The following SPINK5 variants were observed in gnomAD, a reference collection of about 807,000 sequenced individuals.
The protein encoded by SPINK5 is serine peptidase inhibitor Kazal type 5, also known as serine protease inhibitor Kazal-type 5.
A neutral mutation model predicts 151.8 loss-of-function variants in SPINK5; 125 were observed. The ratio of observed to expected loss-of-function variants is 0.82; its 90% CI spans 0.71 to 0.96. SPINK5 has a LOEUF of 0.96. SPINK5 is among the 40% of genes least tolerant of loss of function. The pLI is 0.00. For synonymous variants in SPINK5, 374 were observed against 395.3 expected, an observed-to-expected ratio of 0.95 and a Z score of 0.64; for missense variants, 1,194 against 1,291.9, an observed-to-expected ratio of 0.92 and a Z score of 1.16.
intron 30 of SPINK5, among the ~76,000 whole-genome samples, chr5:148,130,818 C>T (rs1375485917): frequency 6.6e-6 from 1 of 152,082 alleles, no homozygotes; most frequent in Non-Finnish European, 1.5e-5. Flanking sequence ...TAAGTTACTT[C>T]TCTAGTTAGT....
chr5:148,071,811 C>T (rs1752745259), intron 3 of SPINK5, among the ~76,000 whole-genome samples: 2 of 152,044 alleles, frequency 1.3e-5, no homozygotes, highest in Admixed American at 6.6e-5. Context: ...CCAATATAAG[C>T]AGGTTCAATG....
chr5:148,096,742 C>CTTTTTTTT, intron 10 of SPINK5, among the ~76,000 whole-genome samples: 1 of 135,854 alleles, frequency 7.4e-6, no homozygotes, highest in Non-Finnish European at 1.5e-5. Flanking sequence ...TTTTCTTTTT[C>CTTTTTTTT]TTTTCTTTTC....
intron 9 of SPINK5, 84 bp from the exon 10 acceptor site, chr5:148,095,734 A>T: frequency 8.5e-7 from 1 of 1,175,784 alleles, no homozygotes; most frequent in Non-Finnish European, 1.3e-6. Flanking sequence ...AGGACAACTT[A>T]GATATTTTTC....
chr5:148,099,283 A>C lies in SPINK5; in HGVS notation c.1060A>C (p.Lys354Gln). The C allele has an allele frequency of 3.1e-6, 5 of 1,612,510 alleles. No homozygotes were observed. The highest frequency in any genetic ancestry group is 4.2e-6 in the Non-Finnish European group (5 of 1,179,122). The change falls in exon 12 of 33, where the codon AAA becomes CAA. Residue 354 changes from lysine to glutamine, a missense_variant. By Grantham distance (53) the Lys-to-Gln change is moderately conservative (BLOSUM62 1). Transcript: ENST00000256084. The part of the protein sequence containing the change: ...KKKAEARARN[K>Q]RESGKATSYA... ...AAAGGCTGAAGCACGAGCTAGAAAC[A>C]AAAGAGAATCTGGAAAAGCAACCTC...
chr5:148,065,316 C>T, intron 1 of SPINK5, 31 bp from the exon 2 acceptor site: 2 of 1,609,106 alleles, frequency 1.2e-6, no homozygotes, highest in Non-Finnish European at 1.7e-6. Flanking sequence ...TTTACATTTC[C>T]TTAACTTTGG....
Position 148,120,119 on chromosome 5 carries a change from T to C in SPINK5, c.2424T>C (p.Thr808=). Reference sequence around the variant, plus strand: ...GCAAGACACATGGCAATAAGTGTACTATGTGTAAGGAAAAACTGTGAGTAT... The same window carrying C: ...GCAAGACACATGGCAATAAGTGTACCATGTGTAAGGAAAAACTGTGAGTAT... ...PDGKTHGNKC[T]MCKEKLEREA... is the part of the protein sequence containing the mutation. The change falls in exon 25 of 33, where the codon ACT becomes ACC. Residue 808 remains threonine, a synonymous_variant. Transcript: ENST00000256084. 7.4e-6 allele frequency: 12 copies of C among 1,614,046 alleles called. No homozygotes were observed. The highest frequency in any genetic ancestry group is 1.3e-5 in the African/African-American group (1 of 75,052).
intron 32 of SPINK5, among the ~76,000 whole-genome samples, chr5:148,134,804 G>C (rs1012348108): frequency 1.3e-5 from 2 of 151,824 alleles, no homozygotes; most frequent in African/African-American, 4.8e-5. Flanking sequence ...ATTTAATAAA[G>C]CTATTTATTA....
intron 4 of SPINK5, among the ~76,000 whole-genome samples, chr5:148,083,183 CCTT>C (rs1174255284): frequency 4.0e-5 from 6 of 151,130 alleles, no homozygotes; most frequent in South Asian, 4.2e-4. Context: ...CATATATTGT[CCTT>C]CTTTGTCACT....
At chr5:148,117,564 TA>T (rs1311031143) in intron 22 of SPINK5, among the ~76,000 whole-genome samples, 1 of 152,204 alleles carries the variant, frequency 6.6e-6, no homozygotes, top group Non-Finnish European at 1.5e-5. Context: ...TGTGTTTCAG[TA>T]AAACTTTATG....
intron 29 of SPINK5, 25 bp downstream of exon 29, chr5:148,125,875 C>A: frequency 1.9e-6 from 3 of 1,614,110 alleles, no homozygotes; most frequent in Non-Finnish European, 2.5e-6. Flanking sequence ...TCTGCTCCCC[C>A]TGTAGCTAGC....
rs568799906 is a variant in SPINK5, at chr5:148,072,582, G to A, written c.282+362G>A. Among the ~76,000 whole-genome samples the A allele has an allele frequency of 1.0e-3, 158 of 152,076 alleles. 1 individual carries two copies. The highest frequency in any genetic ancestry group is 3.3e-3 in the African/African-American group (135 of 41,532). ...TCAAATCTTAGAATTCTTATTGCTT[G>A]TGTAACTTAGAAAATTTATGTATCT... On this transcript the variant is annotated intron_variant, in intron 4 of 32. Coordinates refer to ENST00000256084, the MANE Select transcript of SPINK5 (RefSeq NM_006846.4).
chr5:148,097,907 T>C lies in SPINK5; in HGVS notation c.923T>C (p.Ile308Thr). ...SQYQNQAKNG[I>T]LFCTRENDPI... ...TATCAAAATCAGGCAAAGAATGGAATACTTTTCTGTACCAGAGAAAATGAC... is the reference window on the plus strand; with the variant it reads ...TATCAAAATCAGGCAAAGAATGGAACACTTTTCTGTACCAGAGAAAATGAC... The change falls in exon 11 of 33, where the codon ATA (isoleucine) becomes ACA (threonine). Residue 308 changes from isoleucine to threonine, a missense_variant. Physicochemically the swap from Ile to Thr is moderately conservative, Grantham distance 89 (BLOSUM62 -1). Transcript: ENST00000256084. 6.2e-7 allele frequency: 1 copy of C among 1,612,242 alleles called. No individual in the cohort carries two copies. Among genetic ancestry groups the C allele is most frequent in the South Asian group, 1.1e-5 (1 of 91,056 alleles).
intron 16 of SPINK5, 59 bp downstream of exon 16, chr5:148,105,059 T>G: frequency 6.5e-7 from 1 of 1,529,974 alleles, no homozygotes; most frequent in East Asian, 2.3e-5. Context: ...TTTATAATTC[T>G]TTACTTATCC....
At chr5:148,086,348 A>G (rs1206803632) in intron 4 of SPINK5, 57 bp from the exon 5 acceptor site, 15 of 1,595,968 alleles carry the variant, frequency 9.4e-6, no homozygotes, top group Non-Finnish European at 1.1e-5. Flanking sequence ...CTATTTATAC[A>G]TCTAAGGACT....
chr5:148,125,524 G>A, intron 28 of SPINK5, 199 bp from the exon 29 acceptor site: 1 of 1,613,514 alleles, frequency 6.2e-7, no homozygotes, highest in East Asian at 2.2e-5. Context: ...CATTTTTCAG[G>A]ACCAGTGCAG....
At chr5:148,064,182 CA>C (rs1178781131) in intron 1 of SPINK5, 83 bp downstream of exon 1, 3 of 1,489,696 alleles carry the variant, frequency 2.0e-6, no homozygotes, top group Non-Finnish European at 1.9e-6. Context: ...CTACTCCTGC[CA>C]AAAAATGTTT....
chr5:148,127,652 G>A (rs1248049903), intron 30 of SPINK5, among the ~76,000 whole-genome samples: 1 of 151,976 alleles, frequency 6.6e-6, no homozygotes, highest in Non-Finnish European at 1.5e-5. Context: ...AGGAGTTTGA[G>A]ACCACTGTGG....
At position 148,118,537 on chromosome 5, in the gene SPINK5, A is replaced by G. The variant is rs769548566; in HGVS notation, c.2213A>G (p.Asn738Ser). Reference protein sequence around the residue: ...VRDADGKSYNNQCTMCKAKLE... With the variant: ...VRDADGKSYNSQCTMCKAKLE... ...GATGCTGATGGCAAATCGTACAACAATCAGTGTACCATGTGTAAAGCAAAA... is the reference window on the plus strand; with the variant it reads ...GATGCTGATGGCAAATCGTACAACAGTCAGTGTACCATGTGTAAAGCAAAA... The change falls in exon 23 of 33, where the codon AAT becomes AGT. Residue 738 changes from asparagine (N) to serine (S), a missense_variant. Physicochemically the swap from Asn to Ser is conservative, Grantham distance 46 (BLOSUM62 1). Coordinates refer to ENST00000256084, the MANE Select transcript of SPINK5 (RefSeq NM_006846.4). 8.9e-5 allele frequency: 143 copies of G among 1,614,014 alleles called. No homozygotes were observed. The highest frequency in any genetic ancestry group is 2.1e-4 in the South Asian group (19 of 91,086).
chr5:148,080,971 A>T (rs1561677916), intron 4 of SPINK5, among the ~76,000 whole-genome samples: 1 of 151,640 alleles, frequency 6.6e-6, no homozygotes, highest in South Asian at 2.1e-4. Flanking sequence ...AATTAAGTAT[A>T]GATATTACAC....
Sources: allele counts gnomAD v4.1 joint callset (sites outside exome capture counted in the v4.1 genomes callset), GRCh38; gene constraint gnomAD v4.1.1; transcripts MANE v1.5; gene names NCBI Gene and HGNC (gene_info 2026-07-23, HGNC 2026-07-21).